ARHGAP6: variants seen among roughly 807,000 people sequenced by gnomAD.
ARHGAP6 encodes Rho GTPase activating protein 6, also known as rho GTPase-activating protein 6.
ARHGAP6 carries 16 observed loss-of-function variants against 55.7 expected under a neutral mutation model. The ratio of observed to expected loss-of-function variants is 0.29; its 90% CI spans 0.19 to 0.44. The LOEUF (loss-of-function observed/expected upper bound fraction) is 0.44. ARHGAP6 is among the 20% of genes least tolerant of loss of function. The probability of loss-of-function intolerance (pLI) is 1.00; values close to 1 mark genes in which losing one functional copy is unlikely to be tolerated. For missense variants in ARHGAP6, 698 were observed against 808.9 expected, an observed-to-expected ratio of 0.86 and a Z score of 1.66; for synonymous variants, 382 against 360.9, an observed-to-expected ratio of 1.06 and a Z score of -0.66.
intron 9 of ARHGAP6, among the ~76,000 whole-genome samples, chrX:11,164,756 C>T (rs1033263511): frequency 8.9e-6 from 1 of 111,998 alleles, no homozygotes; most frequent in Admixed American, 9.5e-5. Context: ...TCTTTCTTGC[C>T]CCTCTCCTAA....
At chrX:11,237,999 A>G (rs2047225763) in intron 2 of ARHGAP6, among the ~76,000 whole-genome samples, 1 of 111,696 alleles carries the variant, frequency 9.0e-6, no homozygotes, top group South Asian at 3.8e-4. Context: ...TGTTGTGACC[A>G]CACACGATGT....
At chrX:11,326,286 G>T (rs555030467) in intron 1 of ARHGAP6, among the ~76,000 whole-genome samples, 3 of 109,919 alleles carry the variant, frequency 2.7e-5, no homozygotes, top group African/African-American at 9.9e-5. Flanking sequence ...GCACCACCAC[G>T]CCCAGCTAAT....
At chrX:11,405,409 G>T (rs1253615926) in intron 1 of ARHGAP6, among the ~76,000 whole-genome samples, 7 of 112,110 alleles carry the variant, frequency 6.2e-5, no homozygotes, top group Non-Finnish European at 1.1e-4. Flanking sequence ...ACACTGCTGG[G>T]TAAAAACACA....
chrX:11,615,649 T>A (rs2052154611), intron 1 of ARHGAP6, among the ~76,000 whole-genome samples: 1 of 112,150 alleles, frequency 8.9e-6, no homozygotes, highest in African/African-American at 3.2e-5. Flanking sequence ...AGTCCAATCA[T>A]TATAAATAGG....
intron 1 of ARHGAP6, among the ~76,000 whole-genome samples, chrX:11,574,935 T>G (rs1375911781): frequency 9.0e-6 from 1 of 111,657 alleles, no homozygotes; most frequent in Non-Finnish European, 1.9e-5. Flanking sequence ...TACCATATGT[T>G]TTACTCTAAA....
chrX:11,154,137 C>G (rs2045830707), intron 10 of ARHGAP6, among the ~76,000 whole-genome samples: 1 of 105,058 alleles, frequency 9.5e-6, no homozygotes, highest in African/African-American at 3.3e-5. Flanking sequence ...CTACAAAGGA[C>G]ATGAACTCTT....
intron 1 of ARHGAP6, chrX:11,265,985 G>C (rs1029831204): frequency 1.1e-6 from 1 of 927,821 alleles, no homozygotes. Flanking sequence ...CTGTGTCCCT[G>C]AGTAAGTGCA....
chrX:11,389,966 C>T (rs1306739981), intron 1 of ARHGAP6, among the ~76,000 whole-genome samples: 1 of 111,854 alleles, frequency 8.9e-6, no homozygotes, highest in Non-Finnish European at 1.9e-5. Context: ...GAAAGATTTA[C>T]AAATTATTAA....
chrX:11,171,555 A>G (rs1346269332), intron 8 of ARHGAP6, among the ~76,000 whole-genome samples: 1 of 112,467 alleles, frequency 8.9e-6, no homozygotes, highest in African/African-American at 3.2e-5. Context: ...TATCCTTGAA[A>G]AGATATTTTG....
At chrX:11,311,231 G>T (rs2048296622) in intron 1 of ARHGAP6, among the ~76,000 whole-genome samples, 1 of 111,801 alleles carries the variant, frequency 8.9e-6, no homozygotes, top group South Asian at 3.8e-4. Flanking sequence ...TTAAAGAAAA[G>T]GTCGACATTC....
intron 1 of ARHGAP6, among the ~76,000 whole-genome samples, chrX:11,563,722 T>A (rs976016924): frequency 9.1e-6 from 1 of 109,685 alleles, no homozygotes; most frequent in African/African-American, 3.3e-5. Flanking sequence ...TTCACACTTA[T>A]GTTTATACTT....
At chrX:11,445,788 C>G (rs774859996) in intron 1 of ARHGAP6, among the ~76,000 whole-genome samples, 1 of 111,186 alleles carries the variant, frequency 9.0e-6, no homozygotes, top group Non-Finnish European at 1.9e-5. Flanking sequence ...AAACATCCTA[C>G]AGTGCACAGG....
At chrX:11,345,714 T>A (rs1276887074) in intron 1 of ARHGAP6, among the ~76,000 whole-genome samples, 2 of 111,950 alleles carry the variant, frequency 1.8e-5, no homozygotes, top group Admixed American at 1.9e-4. Flanking sequence ...CAGGGCACGT[T>A]AGCCTTTGAT....
At chrX:11,329,144 A>G (rs769856012) in intron 1 of ARHGAP6, among the ~76,000 whole-genome samples, 18 of 111,910 alleles carry the variant, frequency 1.6e-4, no homozygotes, top group African/African-American at 5.2e-4. Flanking sequence ...TTAATAATAA[A>G]TTTCATGAAG....
intron 1 of ARHGAP6, among the ~76,000 whole-genome samples, chrX:11,425,563 G>A (rs1429697757): frequency 9.0e-6 from 1 of 111,307 alleles, no homozygotes; most frequent in Non-Finnish European, 1.9e-5. Context: ...AATTCCCTCT[G>A]GAATCTTCCT....
chrX:11,266,118 G>A, intron 1 of ARHGAP6: 1 of 172,489 alleles, frequency 5.8e-6, no homozygotes, highest in African/African-American at 3.2e-5. Context: ...AGAGAGTTGG[G>A]GAGGAGGAAA....
At chrX:11,394,422 T>C (rs1395705947) in intron 1 of ARHGAP6, among the ~76,000 whole-genome samples, 1 of 111,619 alleles carries the variant, frequency 9.0e-6, no homozygotes, top group African/African-American at 3.3e-5. Context: ...ACAATTTCAT[T>C]GGGATGATGG....
chrX:11,463,623 G>A (rs1305054929), intron 1 of ARHGAP6, among the ~76,000 whole-genome samples: 1 of 112,028 alleles, frequency 8.9e-6, no homozygotes, highest in Non-Finnish European at 1.9e-5. Flanking sequence ...TTACAGGTGT[G>A]AGCCACTGAA....
chrX:11,247,808 T>G (rs2047372129), intron 2 of ARHGAP6, among the ~76,000 whole-genome samples: 1 of 112,057 alleles, frequency 8.9e-6, no homozygotes, highest in Non-Finnish European at 1.9e-5. Context: ...CTTAATTTCT[T>G]GACTATTTTT....
Sources: allele counts gnomAD v4.1 joint callset (sites outside exome capture counted in the v4.1 genomes callset), GRCh38; gene constraint gnomAD v4.1.1; transcripts MANE v1.5; gene names NCBI Gene and HGNC (gene_info 2026-07-23, HGNC 2026-07-21).